The following GRID2 variants were observed in gnomAD, a reference collection of about 807,000 sequenced individuals.
GRID2 encodes glutamate ionotropic receptor delta type subunit 2, also known as glutamate receptor ionotropic, delta-2.
GRID2 carries 33 observed loss-of-function variants against 114.8 expected under a neutral mutation model. The ratio of observed to expected loss-of-function variants is 0.29; its 90% CI spans 0.22 to 0.38. The LOEUF (loss-of-function observed/expected upper bound fraction) is 0.38, where lower values mean the gene tolerates loss of function less well. GRID2 is among the 10% of genes least tolerant of loss of function. The probability of loss-of-function intolerance (pLI) is 1.00; values close to 1 mark genes in which losing one functional copy is unlikely to be tolerated. For synonymous variants in GRID2, 505 were observed against 449.9 expected (o/e 1.12, Z -1.55); for missense variants, 1,184 against 1,257.7 (o/e 0.94, Z 0.89).
chr4:93,611,429 C>T (rs1740896980), intron 13 of GRID2, among the ~76,000 whole-genome samples: 3 of 111,964 alleles, frequency 2.7e-5, no homozygotes, highest in African/African-American at 1.2e-4. Flanking sequence ...TTGGATCTTT[C>T]CTGCTTTCTC....
chr4:93,402,230 A>G (rs1287422607), intron 9 of GRID2, among the ~76,000 whole-genome samples: 1 of 152,168 alleles, frequency 6.6e-6, no homozygotes, highest in Non-Finnish European at 1.5e-5. Context: ...ACTTGCAGTC[A>G]AAAGGTATGA....
intron 14 of GRID2, among the ~76,000 whole-genome samples, chr4:93,682,722 A>G (rs1005072597): frequency 1.4e-5 from 2 of 144,920 alleles, no homozygotes. Flanking sequence ...ATAGATGGGA[A>G]TTGCACAATG....
At chr4:93,034,440 A>G (rs367764956) in intron 2 of GRID2, among the ~76,000 whole-genome samples, 28 of 152,310 alleles carry the variant, frequency 1.8e-4, no homozygotes, top group South Asian at 8.3e-4. Flanking sequence ...CAAGCCGACA[A>G]TAGTAAGAAT....
At chr4:92,957,014 T>A (rs1752454228) in intron 2 of GRID2, among the ~76,000 whole-genome samples, 1 of 152,178 alleles carries the variant, frequency 6.6e-6, no homozygotes, top group Non-Finnish European at 1.5e-5. Flanking sequence ...TTTCTTTTTG[T>A]TGAATTTTAA....
At chr4:93,163,867 T>C (rs188017952) in intron 4 of GRID2, among the ~76,000 whole-genome samples, 100 of 151,900 alleles carry the variant, frequency 6.6e-4, no homozygotes, top group African/African-American at 2.4e-3. Flanking sequence ...AATGTAAGAG[T>C]TATGAATTTG....
chr4:92,603,637 T>C (rs373691813), intron 2 of GRID2, among the ~76,000 whole-genome samples: 180 of 152,128 alleles, frequency 1.2e-3, no homozygotes, highest in African/African-American at 4.1e-3. Context: ...GGGACAAAGA[T>C]TTCATGAAGA....
At chr4:93,143,233 A>G (rs1735921549) in intron 4 of GRID2, among the ~76,000 whole-genome samples, 1 of 152,244 alleles carries the variant, frequency 6.6e-6, no homozygotes, top group South Asian at 2.1e-4. Flanking sequence ...CACTTGTTGA[A>G]ACAGGACTTA....
chr4:93,713,267 A>C (rs1386672863), intron 14 of GRID2, among the ~76,000 whole-genome samples: 1 of 152,102 alleles, frequency 6.6e-6, no homozygotes, highest in Non-Finnish European at 1.5e-5. Context: ...TCTAGCCTAG[A>C]GTACCTTCAA....
intron 8 of GRID2, among the ~76,000 whole-genome samples, chr4:93,386,126 G>A (rs764521708): frequency 1.1e-4 from 17 of 152,100 alleles, no homozygotes; most frequent in Non-Finnish European, 1.9e-4. Context: ...TATTAAGGCT[G>A]TCTGCATGAC....
intron 4 of GRID2, among the ~76,000 whole-genome samples, chr4:93,127,433 T>G (rs558609170): frequency 6.6e-6 from 1 of 152,294 alleles, no homozygotes; most frequent in South Asian, 2.1e-4. Context: ...CTGAGAAGCA[T>G]AACTAATTGA....
chr4:93,484,182 C>A (rs929197177), intron 11 of GRID2, among the ~76,000 whole-genome samples: 5 of 151,864 alleles, frequency 3.3e-5, no homozygotes, highest in Non-Finnish European at 2.9e-5. Flanking sequence ...GAATTACCAG[C>A]AATGGTCCAC....
chr4:92,646,996 G>A (rs953990116), intron 2 of GRID2, among the ~76,000 whole-genome samples: 3 of 151,898 alleles, frequency 2.0e-5, no homozygotes, highest in Non-Finnish European at 4.4e-5. Flanking sequence ...TTGTAATTTC[G>A]GTAGTAGCAG....
At chr4:92,325,341 A>G (rs1726537132) in intron 1 of GRID2, among the ~76,000 whole-genome samples, 1 of 151,890 alleles carries the variant, frequency 6.6e-6, no homozygotes, top group South Asian at 2.1e-4. Flanking sequence ...ATTTTGAAAG[A>G]ATGAAAGTGA....
chr4:93,802,907 T>C (rs17021153), intron 1 of GRID2, among the ~76,000 whole-genome samples: 5,896 of 152,318 alleles, frequency 0.039, 280 homozygotes, highest in African/African-American at 0.11. Flanking sequence ...TGTTTAAAAG[T>C]GTAATGCAGT....
intron 9 of GRID2, among the ~76,000 whole-genome samples, chr4:93,418,310 A>G (rs1249246863): frequency 6.6e-6 from 1 of 151,882 alleles, no homozygotes; most frequent in Non-Finnish European, 1.5e-5. Context: ...CACCCTGGAT[A>G]TTAATTCTGA....
intron 2 of GRID2, among the ~76,000 whole-genome samples, chr4:92,719,012 A>G (rs996103636): frequency 6.6e-6 from 1 of 150,816 alleles, no homozygotes; most frequent in African/African-American, 2.4e-5. Context: ...TTTAAGATGG[A>G]GTCTCGCTCT....
intron 2 of GRID2, among the ~76,000 whole-genome samples, chr4:92,624,185 C>T (rs561988533): frequency 2.0e-5 from 3 of 151,912 alleles, no homozygotes; most frequent in South Asian, 2.1e-4. Flanking sequence ...AGTCCTATGA[C>T]GTAGTGTTTT....
At chr4:93,119,417 A>T (rs1487142621) in intron 4 of GRID2, among the ~76,000 whole-genome samples, 1 of 152,288 alleles carries the variant, frequency 6.6e-6, no homozygotes, top group East Asian at 1.9e-4. Flanking sequence ...ATACAAAAAA[A>T]TTCTATATAA....
At chr4:93,184,507 C>CA (rs1170737672) in intron 4 of GRID2, among the ~76,000 whole-genome samples, 2,653 of 78,792 alleles carry the variant, frequency 0.034, 42 homozygotes, top group African/African-American at 0.045. Context: ...TATTATTTCT[C>CA]AAAAAAAAAA....
Sources: gnomAD v4.1 joint callset for allele counts (sites outside exome capture counted in the v4.1 genomes callset) on GRCh38, gnomAD v4.1.1 for gene constraint, MANE v1.5 for transcripts, NCBI Gene and HGNC (gene_info 2026-07-23, HGNC 2026-07-21) for gene names.